PHC3: variants seen among roughly 807,000 people sequenced by gnomAD.
The protein encoded by PHC3 is polyhomeotic homolog 3.
Under a neutral mutation model 107.4 loss-of-function variants are expected in PHC3, and 13 were observed. That is an observed-to-expected ratio of 0.12 (90% CI 0.08 to 0.19). The LOEUF is 0.19. Ranked by LOEUF, PHC3 falls within the 10% of genes least tolerant of loss-of-function variation. The pLI, the probability that PHC3 is intolerant of heterozygous loss-of-function variation, is 1.00. For missense variants in PHC3, 992 were observed against 1,210.9 expected (o/e 0.82, Z 2.68); for synonymous variants, 456 against 427.4 (o/e 1.07, Z -0.83).
At position 170,097,456 on chromosome 3, in the gene PHC3, G is replaced by A. The variant is rs1714772094; in HGVS notation, c.2834-72C>T. ...TTAGACATTACTCCTAACAGTCACA[G>A]TTATGCTCTCACTGGGTCTGAGAAT... On this transcript the variant is annotated intron_variant, in intron 14 of 14. Coordinates refer to ENST00000495893, the MANE Select transcript of PHC3 (RefSeq NM_024947.4). This position sits in a 1 kb window ranked among gnomAD's most constrained non-coding sequence, Gnocchi z 4.1. 1 of 1,428,616 alleles carries A rather than the reference G, an allele frequency of 7.0e-7. No homozygotes were observed. The highest frequency in any genetic ancestry group is 9.4e-7 in the Non-Finnish European group (1 of 1,060,910). The allele number at this position is 1,428,616 out of a possible 1,614,324, so 88.5% of individuals were successfully genotyped here.
In PHC3 at chr3:170,112,610, G is replaced by A. The variant is rs181183139; in HGVS notation, c.2353+750C>T. Among the ~76,000 whole-genome samples the A allele has an allele frequency of 5.2e-4, 77 of 146,836 alleles. No individual in the cohort carries two copies. The East Asian group carries it at 9.1e-3, about 17-fold the overall frequency. On this transcript the variant is annotated intron_variant, in intron 11 of 14. Transcript: ENST00000495893. ...GCAATCTCAGCTCACTGCAACCTCC[G>A]CCTCTGGGGTTCAAGCAATACTCCT...
At position 170,114,293 on chromosome 3, in the gene PHC3, G is replaced by A. The variant is rs1038389882; in HGVS notation, c.2194-774C>T. Reference sequence around the variant, plus strand: ...CGAAGTGCTGGGATTACAGGCGTGAGCCACTGCGCCCGGCCAATTTTAGTG... The same window carrying A: ...CGAAGTGCTGGGATTACAGGCGTGAACCACTGCGCCCGGCCAATTTTAGTG... On this transcript the variant is annotated intron_variant, in intron 10 of 14. Transcript: ENST00000495893. Among the ~76,000 whole-genome samples, 4 of 152,186 alleles carry A rather than the reference G, an allele frequency of 2.6e-5. 1 individual carries two copies. The highest frequency in any genetic ancestry group is 7.2e-5 in the African/African-American group (3 of 41,434).
At chr3:170,111,372 G>GGAAGGAA (rs1717705990) in intron 11 of PHC3, among the ~76,000 whole-genome samples, 7 of 135,936 alleles carry the variant, frequency 5.1e-5, no homozygotes, top group Non-Finnish European at 7.7e-5. Context: ...GAAGGAAAAA[G>GGAAGGAA]AAAGAAAGAG....
intron 1 of PHC3, among the ~76,000 whole-genome samples, chr3:170,181,318 C>T (rs1226052277): frequency 6.6e-6 from 1 of 152,150 alleles, no homozygotes; most frequent in Non-Finnish European, 1.5e-5. Flanking sequence ...TACCCAGCCT[C>T]CGCGGGCCCC....
In PHC3 at chr3:170,153,460, T is replaced by G. The variant is rs531782412; in HGVS notation, c.415-4216A>C. Among the ~76,000 whole-genome samples, 3 of 152,262 alleles carry G rather than the reference T, an allele frequency of 2.0e-5. No individual in the cohort carries two copies. The South Asian group carries it at 6.2e-4, about 32-fold the overall frequency. On this transcript the variant is annotated intron_variant, in intron 4 of 14. Transcript: ENST00000495893. ...TCTTTCCCTGATTATTAATATTAATTACCCATTTAAGAATCTTCTGAGGCC... is the reference window on the plus strand; with the variant it reads ...TCTTTCCCTGATTATTAATATTAATGACCCATTTAAGAATCTTCTGAGGCC...
At chr3:170,131,149 A>G (rs1403058389) in intron 7 of PHC3, among the ~76,000 whole-genome samples, 1 of 149,202 alleles carries the variant, frequency 6.7e-6, no homozygotes, top group East Asian at 2.0e-4. Context: ...AATTGTTAAA[A>G]AAAAAAAAAA....
At chr3:170,146,877 CT>C (rs1035803336) in intron 5 of PHC3, among the ~76,000 whole-genome samples, 4,799 of 98,010 alleles carry the variant, frequency 0.049, 59 homozygotes, top group African/African-American at 0.072. Context: ...TCTATTTTTT[CT>C]TTTTTTTTTT....
chr3:170,164,420 T>C (rs971704071), intron 4 of PHC3, among the ~76,000 whole-genome samples: 1 of 152,158 alleles, frequency 6.6e-6, no homozygotes, highest in Non-Finnish European at 1.5e-5. Context: ...TAATAACAGT[T>C]TGTTGTGTAC....
chr3:170,104,198 A>T (rs1209549471), intron 12 of PHC3, among the ~76,000 whole-genome samples: 1 of 152,220 alleles, frequency 6.6e-6, no homozygotes, highest in African/African-American at 2.4e-5. Flanking sequence ...GTATCATGAA[A>T]TATTATTTTG....
intron 10 of PHC3, among the ~76,000 whole-genome samples, chr3:170,115,929 T>C (rs1480770140): frequency 6.7e-6 from 1 of 149,678 alleles, no homozygotes; most frequent in African/African-American, 2.5e-5. Context: ...AAACAACTGA[T>C]TGGGTAGCTA....
chr3:170,135,666 T>C (rs1383286267), intron 7 of PHC3, among the ~76,000 whole-genome samples: 1 of 149,732 alleles, frequency 6.7e-6, no homozygotes, highest in African/African-American at 2.5e-5. Flanking sequence ...CTAAAGAAGG[T>C]CAGGAAATTT....
chr3:170,099,072 A>C (rs2108255021), intron 14 of PHC3, among the ~76,000 whole-genome samples: 1 of 152,270 alleles, frequency 6.6e-6, no homozygotes, highest in Admixed American at 6.5e-5. Context: ...AGAGAGAAAG[A>C]TAGGGTGGGA....
chr3:170,146,532 TTTC>T (rs1328657367), intron 5 of PHC3, among the ~76,000 whole-genome samples: 2 of 137,418 alleles, frequency 1.5e-5, no homozygotes, highest in African/African-American at 5.5e-5. Flanking sequence ...TCCTTTTCTT[TTTC>T]TTTTTTTTTT....
In PHC3 at chr3:170,128,963, G is replaced by A; in HGVS notation, c.1509C>T (p.Ser503=). The A allele has an allele frequency of 5.0e-6, 8 of 1,613,980 alleles. No homozygotes were observed. Among genetic ancestry groups the A allele is most frequent in the Non-Finnish European group, 6.8e-6 (8 of 1,179,894 alleles). Residue 503 remains serine, a synonymous_variant, in exon 8 of 15, where the codon TCC becomes TCT. Coordinates refer to ENST00000495893, the MANE Select transcript of PHC3 (RefSeq NM_024947.4). ...CAATTGGGATTGGAGAGGACTGCAG[G>A]GATGAATATTGCTGGTGTGATGGAG... ...IVSPSHQQYS[S]LQSSPIPIAS...
chr3:170,123,356 T>TACATACACACACACAC (rs1720714470), intron 8 of PHC3, among the ~76,000 whole-genome samples: 1 of 149,822 alleles, frequency 6.7e-6, no homozygotes, highest in African/African-American at 2.5e-5. Context: ...TTGAAATGCA[T>TACATACACACACACAC]ACACACACAC....
At chr3:170,108,794 T>TATTCCAGGGATTATTCCAGGGAATAA in intron 11 of PHC3, among the ~76,000 whole-genome samples, 1 of 152,308 alleles carries the variant, frequency 6.6e-6, no homozygotes, top group South Asian at 2.1e-4. Context: ...AAGAGTCCAT[T>TATTCCAGGGATTATTCCAGGGAATAA]CCTCAGGGTT....
chr3:170,114,629 T>C (rs1718543583), intron 10 of PHC3, among the ~76,000 whole-genome samples: 1 of 152,206 alleles, frequency 6.6e-6, no homozygotes, highest in African/African-American at 2.4e-5. Flanking sequence ...AATATTCACT[T>C]ATATTCAGTA....
chr3:170,123,776 G>A (rs565318234), intron 8 of PHC3, among the ~76,000 whole-genome samples: 1 of 151,882 alleles, frequency 6.6e-6, no homozygotes, highest in African/African-American at 2.4e-5. Context: ...CTGGGTAACA[G>A]AGTGAGACTC....
intron 4 of PHC3, chr3:170,150,653 C>A (rs1236900370): frequency 3.1e-6 from 1 of 326,332 alleles, no homozygotes; most frequent in Non-Finnish European, 6.0e-6. Context: ...GTGGAGCTTG[C>A]AGTGAGCCGA....
Sources: gnomAD v4.1 joint callset for allele counts (sites outside exome capture counted in the v4.1 genomes callset) on GRCh38, gnomAD v4.1.1 for gene constraint, Gnocchi (gnomAD v3.1) non-coding constraint, MANE v1.5 for transcripts, NCBI Gene and HGNC (gene_info 2026-07-23, HGNC 2026-07-21) for gene names.